Variants in CCDC141 observed in about 807,000 individuals in gnomAD.
CCDC141 encodes coiled-coil domain containing 141.
CCDC141 carries 168 observed loss-of-function variants against 181.0 expected under a neutral mutation model. That is an observed-to-expected ratio of 0.93 (90% confidence interval 0.82 to 1.05). CCDC141 has a LOEUF of 1.05. CCDC141 is among the 50% of genes least tolerant of loss of function. The pLI is 0.00. For missense variants in CCDC141, 1,902 were observed against 1,788.5 expected (o/e 1.06, Z -1.14); for synonymous variants, 666 against 642.3 (o/e 1.04, Z -0.56).
At chr2:179,002,620 T>C (rs1168071042) in intron 2 of CCDC141, 2 of 249,596 alleles carry the variant, frequency 8.0e-6, no homozygotes, top group Admixed American at 1.0e-4. Flanking sequence ...TAAATGCTGC[T>C]ATGTTGCTCT....
chr2:178,918,637 T>C (rs1688555184), intron 7 of CCDC141, 76 bp downstream of exon 7: 2 of 1,219,378 alleles, frequency 1.6e-6, no homozygotes, highest in Middle Eastern at 2.0e-4. Context: ...TGTGATGTGC[T>C]CCAGTCAGTT....
chr2:179,042,752 G>A lies in CCDC141; in HGVS notation c.225+4532C>T, dbSNP rs528533543. Among the ~76,000 whole-genome samples the A allele has an allele frequency of 1.8e-4, 28 of 152,126 alleles. 2 individuals are homozygous for A. In the South Asian group the frequency reaches 3.1e-3, roughly 17 times the overall value. On this transcript the variant is annotated intron_variant, in intron 2 of 23. Coordinates refer to ENST00000443758, the MANE Select transcript of CCDC141 (RefSeq NM_173648.4). ...GAGAAATTTATAGCACTAAAATGCC[G>A]ACATCATAAAGCTAGAAAAATCTCA...
At chr2:178,821,692 A>G in the CCDC141 span, among the ~76,000 whole-genome samples, 2 of 151,306 alleles carry the variant, frequency 1.3e-5, no homozygotes, top group Admixed American at 1.3e-4. Flanking sequence ...AGAAATGCAA[A>G]TCAAAACCAC....
At chr2:178,979,129 A>G (rs1691253657) in intron 2 of CCDC141, among the ~76,000 whole-genome samples, 1 of 152,220 alleles carries the variant, frequency 6.6e-6, no homozygotes, top group African/African-American at 2.4e-5. Flanking sequence ...GTAAATATTA[A>G]GAGTAGATTT....
intron 2 of CCDC141, among the ~76,000 whole-genome samples, chr2:179,038,989 A>G (rs1352328882): frequency 6.6e-6 from 1 of 152,126 alleles, no homozygotes; most frequent in African/African-American, 2.4e-5. Flanking sequence ...AACACTCTGC[A>G]CCTCACCTGA....
chr2:178,817,773 T>TCCTCCCTCCTTCCCTCCCTTCCTC, the CCDC141 span: 27 of 288,836 alleles, frequency 9.3e-5, 4 homozygotes, highest in African/African-American at 6.3e-4. Flanking sequence ...TCTCTCTCCC[T>TCCTCCCTCCTTCCCTCCCTTCCTC]CCTCCCTTCC....
intron 2 of CCDC141, chr2:179,002,392 T>TA (rs1337595713): frequency 3.2e-6 from 1 of 313,716 alleles, no homozygotes; most frequent in Non-Finnish European, 6.2e-6. Flanking sequence ...TGACTTATTG[T>TA]AAAAAAGGGA....
Position 178,886,817 on chromosome 2 carries a change from C to G in CCDC141, c.1462G>C (p.Gly488Arg), listed in dbSNP as rs1303185250. The change falls in exon 10 of 24, where the codon GGT becomes CGT. Residue 488 changes from glycine to arginine, a missense_variant. Coordinates refer to ENST00000443758, the MANE Select transcript of CCDC141 (RefSeq NM_173648.4). ...TTCTCTGATTCAGAACGGGTAGAACCAACATCCATTGCATTAGAAAGTACT... is the reference window on the plus strand; with the variant it reads ...TTCTCTGATTCAGAACGGGTAGAACGAACATCCATTGCATTAGAAAGTACT... Reference protein sequence around the residue: ...SPVLSNAMDVGSTRSESEKIL... With the variant: ...SPVLSNAMDVRSTRSESEKIL... 19 of 1,476,350 alleles carry G rather than the reference C, an allele frequency of 1.3e-5. No homozygotes were observed. The highest frequency in any genetic ancestry group is 3.5e-4 in the Middle Eastern group (2 of 5,698). 91.5% of individuals were successfully genotyped at this position (1,476,350 alleles called of 1,614,324 possible). A position where few individuals can be genotyped will look rare whatever the true frequency, so the allele number is the denominator to read the frequency against.
intron 5 of CCDC141, among the ~76,000 whole-genome samples, chr2:178,959,184 C>G (rs556022993): frequency 5.9e-5 from 9 of 151,932 alleles, no homozygotes; most frequent in African/African-American, 1.7e-4. Flanking sequence ...AGGAGATATA[C>G]CTAATGTAAA....
intron 22 of CCDC141, among the ~76,000 whole-genome samples, chr2:178,840,694 T>G (rs1293854897): frequency 6.6e-6 from 1 of 152,198 alleles, no homozygotes; most frequent in Non-Finnish European, 1.5e-5. Flanking sequence ...AAATCAGGCA[T>G]GAAGTTTAGG....
rs757184773 is a variant in CCDC141 at position 178,837,337 on chromosome 2, G to GA, written c.3881dup (p.Lys1295GlnfsTer3). 1 of 1,614,088 alleles carries GA rather than the reference G, an allele frequency of 6.2e-7. No individual in the cohort carries two copies. The highest frequency in any genetic ancestry group is 2.2e-5 in the East Asian group (1 of 44,866). ...TGGAGGTTAGTGGGGGCTCAGCTTT[G>GA]AACTGGAGGTAAGGCCTCTCAAAAT... is the stretch of plus-strand genomic sequence containing the variant. On this transcript the variant is annotated frameshift_variant, in exon 23 of 24. Coordinates refer to ENST00000443758, the MANE Select transcript of CCDC141 (RefSeq NM_173648.4). LOFTEE classifies it high-confidence loss of function.
chr2:178,873,438 C>A (rs1435823364), intron 12 of CCDC141: 1 of 151,944 alleles, frequency 6.6e-6, no homozygotes, highest in Admixed American at 6.6e-5. Context: ...GCAGAATTCA[C>A]CCCAAATTAT....
At chr2:178,825,741 C>A (rs1036767636), downstream of CCDC141, among the ~76,000 whole-genome samples, 1 of 151,536 alleles carries the variant, frequency 6.6e-6, no homozygotes, top group Non-Finnish European at 1.5e-5. Flanking sequence ...CAATTTCTTA[C>A]AGCCTGCCTT....
chr2:178,892,307 C>T (rs1203535164), intron 8 of CCDC141, among the ~76,000 whole-genome samples: 1 of 152,150 alleles, frequency 6.6e-6, no homozygotes, highest in Admixed American at 6.5e-5. Flanking sequence ...CCTGTGTGTA[C>T]TCCACTCTCA....
chr2:178,975,636 G>A (rs571082845), intron 3 of CCDC141, among the ~76,000 whole-genome samples: 73 of 152,226 alleles, frequency 4.8e-4, no homozygotes, highest in African/African-American at 1.6e-3. Context: ...AGAGAAGGTA[G>A]AAGTATAGTT....
In CCDC141 at chr2:178,837,342, G is replaced by C; in HGVS notation, c.3877C>G (p.Gln1293Glu). 1 of 1,614,034 alleles carries C rather than the reference G, an allele frequency of 6.2e-7. No individual in the cohort carries two copies. Among genetic ancestry groups the C allele is most frequent in the Non-Finnish European group, 8.5e-7 (1 of 1,179,974 alleles). Reference protein sequence around the residue: ...FSSHFERPYLQFKAEPPLTSR... With the variant: ...FSSHFERPYLEFKAEPPLTSR... Reference sequence around the variant, plus strand: ...GTTAGTGGGGGCTCAGCTTTGAACTGGAGGTAAGGCCTCTCAAAATGACTT... The same window carrying C: ...GTTAGTGGGGGCTCAGCTTTGAACTCGAGGTAAGGCCTCTCAAAATGACTT... The change falls in exon 23 of 24, where the codon CAG (glutamine) becomes GAG (glutamate). Residue 1293 changes from glutamine (Q) to glutamate (E), a missense_variant. Physicochemically the swap from Gln to Glu is conservative, Grantham distance 29 (BLOSUM62 2). Coordinates refer to ENST00000443758, the MANE Select transcript of CCDC141 (RefSeq NM_173648.4).
chr2:178,968,847 TAAG>T (rs372679401), intron 4 of CCDC141, among the ~76,000 whole-genome samples: 110 of 151,110 alleles, frequency 7.3e-4, no homozygotes, highest in African/African-American at 2.6e-3. Flanking sequence ...CCAGACTAAT[TAAG>T]AAGAAAAGAG....
In CCDC141 at chr2:178,868,141, G is replaced by A. The variant is rs1466219944; in HGVS notation, c.2459C>T (p.Ala820Val). ...CCGGAGGTGAATCTGCACATCATGG[G>A]CATCACCCAGTTCCTTCGGCTGCTC... The part of the protein sequence containing the change: ...FVEQPKELGD[A>V]HDVQIHLRCS... The change falls in exon 16 of 24, where the codon GCC becomes GTC. Residue 820 changes from alanine (A) to valine (V), a missense_variant. Ala to Val is a moderately conservative substitution (Grantham distance 64). Transcript: ENST00000443758. The A allele has an allele frequency of 7.4e-6, 12 of 1,613,994 alleles. No individual in the cohort carries two copies. In the South Asian group the frequency reaches 7.7e-5, roughly 10 times the overall value.
chr2:178,912,771 C>T (rs1470187755), intron 7 of CCDC141, among the ~76,000 whole-genome samples: 1 of 152,234 alleles, frequency 6.6e-6, no homozygotes, highest in East Asian at 1.9e-4. Context: ...TCCCCACCTG[C>T]TTCTACCACC....
Sources: allele counts gnomAD v4.1 joint callset (sites outside exome capture counted in the v4.1 genomes callset), GRCh38; gene constraint gnomAD v4.1.1; transcripts MANE v1.5; gene names NCBI Gene and HGNC (gene_info 2026-07-23, HGNC 2026-07-21).